Variants in CHST11 observed in about 807,000 individuals in gnomAD.
The protein encoded by CHST11 is C4S-1.
Under a neutral mutation model 30.4 loss-of-function variants are expected in CHST11, and 9 were observed. That is an observed-to-expected ratio of 0.30 (90% confidence interval 0.18 to 0.52). CHST11 has a LOEUF of 0.52. CHST11 is among the 20% of genes least tolerant of loss of function. The pLI is 0.97. For missense variants in CHST11, 348 were observed against 460.6 expected (o/e 0.76, Z 2.24); for synonymous variants, 152 against 187.8 (o/e 0.81, Z 1.56).
chr12:104,504,335 C>T (rs746611774), intron 1 of CHST11, among the ~76,000 whole-genome samples: 2 of 152,230 alleles, frequency 1.3e-5, no homozygotes, highest in Non-Finnish European at 2.9e-5. Flanking sequence ...GGCTTCTCAC[C>T]GGGGTGGACT....
intron 2 of CHST11, among the ~76,000 whole-genome samples, chr12:104,698,621 C>T (rs2039968077): frequency 6.6e-6 from 1 of 152,212 alleles, no homozygotes; most frequent in South Asian, 2.1e-4. Flanking sequence ...TGTCTCCTGA[C>T]CTTCCTTCCT....
At chr12:104,537,238 G>C (rs186328000) in intron 1 of CHST11, among the ~76,000 whole-genome samples, 6 of 152,308 alleles carry the variant, frequency 3.9e-5, no homozygotes, top group Admixed American at 2.6e-4. Context: ...TCTTGGATTG[G>C]GATTATGGTT....
chr12:104,607,531 C>T (rs1367486266), intron 2 of CHST11, among the ~76,000 whole-genome samples: 3 of 152,064 alleles, frequency 2.0e-5, no homozygotes, highest in South Asian at 2.1e-4. Context: ...CTCTGAGGGG[C>T]GGTGCGCAGT....
At chr12:104,653,440 A>T (rs12300833) in intron 2 of CHST11, among the ~76,000 whole-genome samples, 15,382 of 152,198 alleles carry the variant, frequency 0.1, 1,800 homozygotes, top group African/African-American at 0.29. Flanking sequence ...TTCTTTAACA[A>T]GTACTGAGTA....
chr12:104,711,148 A>T (rs2040084494), intron 2 of CHST11, among the ~76,000 whole-genome samples: 1 of 152,210 alleles, frequency 6.6e-6, no homozygotes, highest in East Asian at 1.9e-4. Flanking sequence ...AACTGTATTC[A>T]TGCCAAGATG....
rs1451752122 is a variant in CHST11, at chr12:104,600,620, T to C, written c.119-1286T>C. ...GACACAGAGAGGTTAGGTAGTTTCC[T>C]TAAGGTCACACAGCTGGTAGTGGTA... is the stretch of plus-strand genomic sequence containing the variant. On this transcript the variant is annotated intron_variant, in intron 1 of 2. Transcript: ENST00000303694. The surrounding 1 kb of genome is among the most constrained non-coding windows in gnomAD (Gnocchi z 4.1). Among the ~76,000 whole-genome samples the C allele has an allele frequency of 7.2e-5, 11 of 152,320 alleles. No individual in the cohort carries two copies. Among genetic ancestry groups the C allele is most frequent in the African/African-American group, 2.4e-4 (10 of 41,576 alleles).
At chr12:104,722,898 C>T (rs1407605497) in intron 2 of CHST11, among the ~76,000 whole-genome samples, 1 of 152,154 alleles carries the variant, frequency 6.6e-6, no homozygotes, top group Non-Finnish European at 1.5e-5. Flanking sequence ...CTAAGGATTT[C>T]AAACCTGCAC....
rs142680224 is a variant in CHST11 at position 104,736,847 on chromosome 12, C to A, written c.205-20102C>A. ...GTACTAGAAGTCATGTATAAACTGC[C>A]CTGAAAATCTGATTTTTGAAAGCAT... On this transcript the variant is annotated intron_variant, in intron 2 of 2. Transcript: ENST00000303694. 3.0e-3 allele frequency among the ~76,000 whole-genome samples: 452 copies of A among 152,260 alleles called. 3 individuals are homozygous for A. The highest frequency in any genetic ancestry group is 0.01 in the African/African-American group (436 of 41,542).
chr12:104,577,182 T>C (rs1233730504), intron 1 of CHST11, among the ~76,000 whole-genome samples: 17 of 149,568 alleles, frequency 1.1e-4, no homozygotes, highest in Non-Finnish European at 4.4e-5. Flanking sequence ...CCTGACAGAG[T>C]GTTTCTGTTT....
chr12:104,634,947 A>G (rs904749750), intron 2 of CHST11, among the ~76,000 whole-genome samples: 2 of 151,602 alleles, frequency 1.3e-5, no homozygotes, highest in African/African-American at 4.8e-5. Context: ...GGAAGGAGGG[A>G]GGAAGGGAGG....
At chr12:104,565,798 C>T (rs2038559387) in intron 1 of CHST11, among the ~76,000 whole-genome samples, 1 of 152,222 alleles carries the variant, frequency 6.6e-6, no homozygotes, top group Admixed American at 6.5e-5. Flanking sequence ...TTGTTCTTCT[C>T]AGCAGGCCCT....
chr12:104,548,468 G>T (rs2038374162), intron 1 of CHST11, among the ~76,000 whole-genome samples: 1 of 152,154 alleles, frequency 6.6e-6, no homozygotes. Context: ...TCCAGCCGTA[G>T]CTCACCACTA....
chr12:104,519,017 T>C (rs2038052404), intron 1 of CHST11, among the ~76,000 whole-genome samples: 1 of 149,414 alleles, frequency 6.7e-6, no homozygotes, highest in African/African-American at 2.5e-5. Flanking sequence ...AGTCGGATTA[T>C]AGAGTTGGAG....
At chr12:104,555,630 G>C (rs1158204199) in intron 1 of CHST11, among the ~76,000 whole-genome samples, 1 of 152,240 alleles carries the variant, frequency 6.6e-6, no homozygotes, top group Non-Finnish European at 1.5e-5. Flanking sequence ...CAACCACCCT[G>C]AACTCAGGGG....
At chr12:104,630,185 G>C (rs1480474762) in intron 2 of CHST11, among the ~76,000 whole-genome samples, 1 of 151,958 alleles carries the variant, frequency 6.6e-6, no homozygotes, top group Non-Finnish European at 1.5e-5. Flanking sequence ...ACATCCCCAG[G>C]TCCTGTCCAC....
chr12:104,677,151 C>A (rs2136099615), intron 2 of CHST11, among the ~76,000 whole-genome samples: 1 of 152,284 alleles, frequency 6.6e-6, no homozygotes, highest in East Asian at 1.9e-4. Flanking sequence ...TCCTAATTGG[C>A]TCTCAAAAAT....
At chr12:104,580,664 C>G (rs2038734267) in intron 1 of CHST11, among the ~76,000 whole-genome samples, 1 of 152,170 alleles carries the variant, frequency 6.6e-6, no homozygotes, top group African/African-American at 2.4e-5. Context: ...TAATTTACTT[C>G]TAGGATATAG....
chr12:104,683,846 C>T (rs1394637136), intron 2 of CHST11, among the ~76,000 whole-genome samples: 2 of 152,138 alleles, frequency 1.3e-5, no homozygotes, highest in East Asian at 3.9e-4. Context: ...CATGCATTCA[C>T]ATCTATGGGA....
intron 2 of CHST11, among the ~76,000 whole-genome samples, chr12:104,715,954 G>A (rs1302869093): frequency 2.0e-5 from 3 of 152,192 alleles, no homozygotes; most frequent in Non-Finnish European, 4.4e-5. Flanking sequence ...ATGGACAGCC[G>A]TGTGCTGCAG....
Sources: allele counts gnomAD v4.1 joint callset (sites outside exome capture counted in the v4.1 genomes callset), GRCh38; gene constraint gnomAD v4.1.1; non-coding constraint Gnocchi (gnomAD v3.1); transcripts MANE v1.5; gene names NCBI Gene and HGNC (gene_info 2026-07-23, HGNC 2026-07-21).